RBM33: variants seen among roughly 807,000 people sequenced by gnomAD.
The protein encoded by RBM33 is RNA binding motif protein 33.
A neutral mutation model predicts 132.6 loss-of-function variants in RBM33; 28 were observed. The observed-to-expected ratio is 0.21, with a 90% CI of 0.16 to 0.29. RBM33 has a LOEUF of 0.29. Among genes scored for constraint, RBM33 ranks in the 10% least tolerant of loss-of-function variants. The pLI is 1.00. For missense variants in RBM33, 1,291 were observed against 1,518.5 expected (o/e 0.85, Z 2.49); for synonymous variants, 634 against 593.0 (o/e 1.07, Z -1.01).
rs371744336 is a variant in RBM33 at position 155,672,848 on chromosome 7, C to T, written c.123-19C>T. The stretch of plus-strand genomic sequence containing the variant: ...CTTATGGGAATAATCATTGACATGT[C>T]TCTTTTTTTTCTCCCAAGTGAACTT... On this transcript the variant is annotated intron_variant, in intron 2 of 17. Coordinates refer to ENST00000401878, the MANE Select transcript of RBM33 (RefSeq NM_053043.3). The T allele has an allele frequency of 5.9e-5, 91 of 1,532,416 alleles. No individual in the cohort carries two copies. The highest frequency in any genetic ancestry group is 7.1e-5 in the Non-Finnish European group (80 of 1,133,948). The allele number at this position is 1,532,416 out of a possible 1,614,324, so 94.9% of individuals were successfully genotyped here.
At chr7:155,761,810 C>G (rs1802045631) in intron 14 of RBM33, among the ~76,000 whole-genome samples, 1 of 152,042 alleles carries the variant, frequency 6.6e-6, no homozygotes, top group Admixed American at 6.5e-5. Flanking sequence ...CTTCCTTCTA[C>G]TTGGGTTTGA....
intron 5 of RBM33, among the ~76,000 whole-genome samples, chr7:155,692,369 G>A (rs1799668860): frequency 6.6e-6 from 1 of 152,182 alleles, no homozygotes; most frequent in Non-Finnish European, 1.5e-5. Context: ...AGCAAAGCGA[G>A]CAAATCACTG....
At chr7:155,764,542 G>A (rs879578046) in intron 15 of RBM33, among the ~76,000 whole-genome samples, 5 of 152,252 alleles carry the variant, frequency 3.3e-5, no homozygotes, top group Admixed American at 3.3e-4. Flanking sequence ...TGTGAGGCAG[G>A]AAGCAAGGGT....
At chr7:155,734,937 T>C (rs558873922) in intron 9 of RBM33, among the ~76,000 whole-genome samples, 40 of 152,340 alleles carry the variant, frequency 2.6e-4, no homozygotes, top group Non-Finnish European at 4.9e-4. Context: ...ATTGCTAATT[T>C]ATTGTCATTC....
Position 155,774,540 on chromosome 7 carries a change from GTT to G in RBM33, c.3376-17_3376-16del. The G allele has an allele frequency of 6.3e-7, 1 of 1,575,994 alleles. No individual in the cohort carries two copies. The highest frequency in any genetic ancestry group is 8.7e-7 in the Non-Finnish European group (1 of 1,145,212). ...TGTCATTTACAACTGATCTTAAAGT[GTT>G]TGTTTTCTTCCTCTAGAGTTTACAG... On this transcript the variant is annotated splice_polypyrimidine_tract_variant and intron_variant, in intron 16 of 17. Coordinates refer to ENST00000401878, the MANE Select transcript of RBM33 (RefSeq NM_053043.3). This position sits in a 1 kb window ranked among gnomAD's most constrained non-coding sequence, Gnocchi z 4.2.
chr7:155,767,795 C>G (rs1802274431), intron 16 of RBM33, among the ~76,000 whole-genome samples: 1 of 152,166 alleles, frequency 6.6e-6, no homozygotes, highest in African/African-American at 2.4e-5. Flanking sequence ...TAGAAGCGTA[C>G]AGTGTATGTT....
intron 12 of RBM33, among the ~76,000 whole-genome samples, chr7:155,740,608 T>C (rs10273130): frequency 0.016 from 2,489 of 152,346 alleles, 62 homozygotes; most frequent in African/African-American, 0.056. Flanking sequence ...TCAGCAAATG[T>C]GTGACTTGTC....
intron 5 of RBM33, among the ~76,000 whole-genome samples, chr7:155,700,382 A>G (rs1227829221): frequency 6.6e-6 from 1 of 152,182 alleles, no homozygotes; most frequent in African/African-American, 2.4e-5. Context: ...ATAAACTCAT[A>G]GAACTTTAGT....
rs113208625 is a variant in RBM33, at chr7:155,778,535, C to G, written c.*3494C>G. On this transcript the variant is annotated 3_prime_UTR_variant, in exon 18 of 18. Coordinates refer to ENST00000401878, the MANE Select transcript of RBM33 (RefSeq NM_053043.3). The surrounding 1 kb of genome is among the most constrained non-coding windows in gnomAD (Gnocchi z 4.0). ...ATCAGGGGAGGTCATCCAGTCCGGT[C>G]GGTGGAGTTGAGAGCCCTTGGGCCA... 2.6e-5 allele frequency: 4 copies of G among 152,058 alleles called. No homozygotes were observed. The highest frequency in any genetic ancestry group is 1.9e-4 in the East Asian group (1 of 5,156). The allele number at this position is 152,058 out of a possible 1,614,324, so 9.4% of individuals were successfully genotyped here.
intron 8 of RBM33, among the ~76,000 whole-genome samples, chr7:155,712,190 C>G (rs1020784870): frequency 2.0e-5 from 3 of 152,190 alleles, no homozygotes; most frequent in Admixed American, 2.0e-4. Flanking sequence ...GCAGCATGCC[C>G]CCCTTCAATT....
intron 15 of RBM33, among the ~76,000 whole-genome samples, chr7:155,766,113 G>A (rs1802207346): frequency 6.6e-6 from 1 of 152,040 alleles, no homozygotes; most frequent in East Asian, 1.9e-4. Context: ...CTCAGGACAG[G>A]ATCCAAATTC....
intron 9 of RBM33, among the ~76,000 whole-genome samples, chr7:155,724,543 A>G (rs1275408793): frequency 1.3e-5 from 2 of 152,232 alleles, no homozygotes; most frequent in Admixed American, 1.3e-4. Flanking sequence ...AGAACGAAAC[A>G]AAACAAAACC....
At chr7:155,650,864 TTTGTTGTTG>T (rs776933463) in intron 1 of RBM33, among the ~76,000 whole-genome samples, 1 of 152,102 alleles carries the variant, frequency 6.6e-6, no homozygotes, top group African/African-American at 2.4e-5. Flanking sequence ...ACAGCTTCTT[TTTGTTGTTG>T]TTGTTGTTGT....
At chr7:155,688,957 G>T (rs569518668) in intron 5 of RBM33, among the ~76,000 whole-genome samples, 46 of 152,304 alleles carry the variant, frequency 3.0e-4, no homozygotes, top group African/African-American at 9.9e-4. Flanking sequence ...TCTCTGCCAG[G>T]CTTTGGTATC....
chr7:155,755,712 A>T (rs940637924), intron 14 of RBM33, among the ~76,000 whole-genome samples: 4 of 152,194 alleles, frequency 2.6e-5, no homozygotes, highest in African/African-American at 9.7e-5. Flanking sequence ...ATAAGATTTG[A>T]TCTGTCAAAT....
chr7:155,732,183 G>A (rs189640537), intron 9 of RBM33, among the ~76,000 whole-genome samples: 3 of 152,180 alleles, frequency 2.0e-5, no homozygotes, highest in Admixed American at 2.0e-4. Context: ...GGAGAGAGTG[G>A]CAGTGTGTAA....
At chr7:155,686,088 C>T (rs1049979318) in intron 5 of RBM33, among the ~76,000 whole-genome samples, 3 of 152,098 alleles carry the variant, frequency 2.0e-5, no homozygotes, top group Non-Finnish European at 4.4e-5. Flanking sequence ...CTTTCTCGCT[C>T]GCTATTTGAA....
chr7:155,650,837 T>C (rs779882406), intron 1 of RBM33, among the ~76,000 whole-genome samples: 14 of 152,224 alleles, frequency 9.2e-5, no homozygotes, highest in Non-Finnish European at 1.8e-4. Flanking sequence ...CACATTGATA[T>C]AGAGTTAAGC....
At position 155,665,315 on chromosome 7, in the gene RBM33, C is replaced by A. The variant is rs922070550; in HGVS notation, c.122+62C>A. On this transcript the variant is annotated intron_variant, in intron 2 of 17. Coordinates refer to ENST00000401878, the MANE Select transcript of RBM33 (RefSeq NM_053043.3). The stretch of plus-strand genomic sequence containing the variant: ...CGATCTCTCTCATTCTGACACTTGG[C>A]TCCTGAGGGATCTTTACTGAACGCA... 5 of 1,456,140 alleles carry A rather than the reference C, an allele frequency of 3.4e-6. No individual in the cohort carries two copies. The African/African-American group carries it at 4.2e-5, about 12-fold the overall frequency. The allele number at this position is 1,456,140 out of a possible 1,614,324, so 90.2% of individuals were successfully genotyped here. A position where few individuals can be genotyped will look rare whatever the true frequency, so the allele number is the denominator to read the frequency against.
Sources: allele counts gnomAD v4.1 joint callset (sites outside exome capture counted in the v4.1 genomes callset), GRCh38; gene constraint gnomAD v4.1.1; non-coding constraint Gnocchi (gnomAD v3.1); transcripts MANE v1.5; gene names NCBI Gene and HGNC (gene_info 2026-07-23, HGNC 2026-07-21).